Variants in OXR1 observed in about 807,000 individuals in gnomAD.
The protein encoded by OXR1 is oxidation resistance 1.
In OXR1, 41 loss-of-function variants were observed where a neutral mutation model predicts 104.6. The observed-to-expected ratio is 0.39, with a 90% CI of 0.31 to 0.51. OXR1 has a LOEUF of 0.51. OXR1 is among the 20% of genes least tolerant of loss of function. OXR1 has a pLI of 0.77. For missense variants in OXR1, 955 were observed against 1,031.9 expected (o/e 0.93, Z 1.02); for synonymous variants, 348 against 348.4 (o/e 1.00, Z 0.01).
chr8:106,273,659 C>T (rs1811908106), intron 1 of OXR1, among the ~76,000 whole-genome samples: 1 of 152,170 alleles, frequency 6.6e-6, no homozygotes, highest in Non-Finnish European at 1.5e-5. Context: ...TCAAATATTC[C>T]TATTGGAAGT....
At chr8:106,419,503 C>CT (rs1043962803) in intron 2 of OXR1, among the ~76,000 whole-genome samples, 1 of 152,068 alleles carries the variant, frequency 6.6e-6, no homozygotes, top group Non-Finnish European at 1.5e-5. Flanking sequence ...CATCATATAG[C>CT]TAGAGGTATG....
At chr8:106,586,381 A>G (rs1263937235) in intron 3 of OXR1, among the ~76,000 whole-genome samples, 1 of 152,184 alleles carries the variant, frequency 6.6e-6, no homozygotes, top group Non-Finnish European at 1.5e-5. Flanking sequence ...CCAAGTTTTG[A>G]CCTGAGAATA....
chr8:106,725,344 G>C (rs1002455286), intron 11 of OXR1, among the ~76,000 whole-genome samples: 1 of 152,160 alleles, frequency 6.6e-6, no homozygotes, highest in Non-Finnish European at 1.5e-5. Flanking sequence ...ATACAACAAA[G>C]TGAAGTGGAA....
At chr8:106,689,447 T>G (rs1170739666) in intron 6 of OXR1, among the ~76,000 whole-genome samples, 2 of 152,112 alleles carry the variant, frequency 1.3e-5, no homozygotes, top group African/African-American at 4.8e-5. Context: ...GGTCACATTC[T>G]GAGATACTGG....
intron 15 of OXR1, 188 bp downstream of exon 15, chr8:106,742,505 AAAG>A (rs756413938): frequency 6.2e-5 from 30 of 485,174 alleles, no homozygotes; most frequent in Non-Finnish European, 9.5e-5. Flanking sequence ...TGCTAAGCAT[AAAG>A]AACAAAGCTG....
chr8:106,290,515 A>G (rs1355965690), intron 1 of OXR1, among the ~76,000 whole-genome samples: 1 of 152,184 alleles, frequency 6.6e-6, no homozygotes, highest in Non-Finnish European at 1.5e-5. Context: ...CAGACAACCT[A>G]TAGAATGGGA....
At chr8:106,322,624 A>G (rs1162266439) in intron 1 of OXR1, among the ~76,000 whole-genome samples, 2 of 152,200 alleles carry the variant, frequency 1.3e-5, no homozygotes, top group Non-Finnish European at 2.9e-5. Context: ...ATGATTCTAT[A>G]TCTAGAAAAC....
intron 11 of OXR1, among the ~76,000 whole-genome samples, chr8:106,735,758 C>T (rs770749138): frequency 1.1e-4 from 16 of 151,948 alleles, no homozygotes; most frequent in Non-Finnish European, 7.4e-5. Flanking sequence ...TTTTTAGTAC[C>T]TAATTTTTCT....
chr8:106,358,986 A>T (rs1241923253), intron 1 of OXR1, among the ~76,000 whole-genome samples: 2 of 152,192 alleles, frequency 1.3e-5, no homozygotes, highest in Non-Finnish European at 2.9e-5. Context: ...TCACTAAATT[A>T]TTTAATGAAT....
chr8:106,525,318 G>A (rs1293754369), intron 3 of OXR1, among the ~76,000 whole-genome samples: 2 of 152,158 alleles, frequency 1.3e-5, no homozygotes, highest in Admixed American at 1.3e-4. Flanking sequence ...GAAGTCCAGA[G>A]AGGTTAGGAG....
rs114218480 is a variant in OXR1, at chr8:106,378,379, G to A, written c.23+18743G>A. 3.2e-3 allele frequency among the ~76,000 whole-genome samples: 491 copies of A among 152,300 alleles called. 1 individual carries two copies. Among genetic ancestry groups the A allele is most frequent in the African/African-American group, 0.011 (471 of 41,558 alleles). Reference sequence around the variant, plus strand: ...GGCTTAGGAACTGGAAACCCATTAAGATGCAGTGATGCCCGAGTGACTGTC... The same window carrying A: ...GGCTTAGGAACTGGAAACCCATTAAAATGCAGTGATGCCCGAGTGACTGTC... On this transcript the variant is annotated intron_variant, in intron 2 of 16. Coordinates refer to ENST00000517566, the MANE Select transcript of OXR1 (RefSeq NM_001198533.2).
rs186319614 is a variant in OXR1, at chr8:106,515,978, T to C, written c.24-2965T>C. ...CCATGTGATGACTGCTTTGCTCAAATCCTCTCTTGGCCTCATTTAAGAACC... is the reference window on the plus strand; with the variant it reads ...CCATGTGATGACTGCTTTGCTCAAACCCTCTCTTGGCCTCATTTAAGAACC... On this transcript the variant is annotated intron_variant, in intron 2 of 16. Coordinates refer to ENST00000517566, the MANE Select transcript of OXR1 (RefSeq NM_001198533.2). Among the ~76,000 whole-genome samples, 44 of 152,158 alleles carry C rather than the reference T, an allele frequency of 2.9e-4. No individual in the cohort carries two copies. In the East Asian group the frequency reaches 5.6e-3, roughly 19 times the overall value.
chr8:106,414,492 C>T (rs1818590989), intron 2 of OXR1, among the ~76,000 whole-genome samples: 1 of 152,132 alleles, frequency 6.6e-6, no homozygotes, highest in Non-Finnish European at 1.5e-5. Flanking sequence ...TGAGAAAGAG[C>T]TAGAATTCAA....
At chr8:106,488,988 G>A (rs1810890608) in intron 2 of OXR1, among the ~76,000 whole-genome samples, 1 of 149,870 alleles carries the variant, frequency 6.7e-6, no homozygotes, top group Non-Finnish European at 1.5e-5. Context: ...GATAGGGATG[G>A]CATTGAATCT....
At chr8:106,288,509 T>C (rs1432154274) in intron 1 of OXR1, among the ~76,000 whole-genome samples, 1 of 132,302 alleles carries the variant, frequency 7.6e-6, no homozygotes, top group Non-Finnish European at 1.6e-5. Flanking sequence ...AACCTAAATA[T>C]GTGTGTGTAT....
At chr8:106,355,714 T>A (rs1023533454) in intron 1 of OXR1, among the ~76,000 whole-genome samples, 1 of 152,102 alleles carries the variant, frequency 6.6e-6, no homozygotes, top group Non-Finnish European at 1.5e-5. Context: ...TTCTTTTTTT[T>A]AATTTTTGGT....
chr8:106,738,583 G>A (rs567390109), intron 12 of OXR1, among the ~76,000 whole-genome samples: 2 of 151,494 alleles, frequency 1.3e-5, no homozygotes, highest in South Asian at 4.2e-4. Context: ...CAATTTAAAA[G>A]TTTCATAATG....
intron 1 of OXR1, among the ~76,000 whole-genome samples, chr8:106,314,798 AG>A (rs1458715735): frequency 2.0e-5 from 3 of 152,200 alleles, no homozygotes; most frequent in Non-Finnish European, 4.4e-5. Flanking sequence ...TAGCCTTATC[AG>A]AGAACAAGTA....
At chr8:106,301,533 A>G (rs1326129001) in intron 1 of OXR1, among the ~76,000 whole-genome samples, 3 of 152,180 alleles carry the variant, frequency 2.0e-5, no homozygotes, top group African/African-American at 4.8e-5. Flanking sequence ...CAAGGTTTGT[A>G]TTGAACAAAC....
Sources: allele counts gnomAD v4.1 joint callset (sites outside exome capture counted in the v4.1 genomes callset), GRCh38; gene constraint gnomAD v4.1.1; transcripts MANE v1.5; gene names NCBI Gene and HGNC (gene_info 2026-07-23, HGNC 2026-07-21).